The following SLC24A1 variants were observed in gnomAD, a reference collection of about 807,000 sequenced individuals.
The protein encoded by SLC24A1 is solute carrier family 24 member 1.
SLC24A1 carries 52 observed loss-of-function variants against 88.1 expected under a neutral mutation model. The observed-to-expected ratio is 0.59, with a 90% CI of 0.47 to 0.74. The LOEUF is 0.74. Ranked by LOEUF, SLC24A1 falls within the 30% of genes least tolerant of loss-of-function variation. The pLI, the probability that SLC24A1 is intolerant of heterozygous loss-of-function variation, is 0.00. For synonymous variants in SLC24A1, 455 were observed against 498.0 expected, an observed-to-expected ratio of 0.91 and a Z score of 1.15; for missense variants, 1,173 against 1,363.3, an observed-to-expected ratio of 0.86 and a Z score of 2.20.
downstream of SLC24A1, chr15:65,659,959 G>C (rs1456341047): frequency 9.1e-6 from 2 of 219,044 alleles, no homozygotes; most frequent in African/African-American, 4.6e-5. Flanking sequence ...AATGAAAGCT[G>C]TTTTTAAAAG....
At chr15:65,629,507 C>T (rs1340138990) in intron 2 of SLC24A1, among the ~76,000 whole-genome samples, 1 of 152,190 alleles carries the variant, frequency 6.6e-6, no homozygotes, top group East Asian at 1.9e-4. Flanking sequence ...TAAATGTTTG[C>T]ATAGTTATCA....
In SLC24A1 at chr15:65,655,325, T is replaced by C. The variant is rs1351468899; in HGVS notation, c.*1246T>C. ...AGATAGGATTATAAAGCAAGACTGATTTCTTCTGTGGTTTATGAATGGATC... is the reference window on the plus strand; with the variant it reads ...AGATAGGATTATAAAGCAAGACTGACTTCTTCTGTGGTTTATGAATGGATC... On this transcript the variant is annotated 3_prime_UTR_variant, in exon 10 of 10. Coordinates refer to ENST00000261892, the MANE Select transcript of SLC24A1 (RefSeq NM_004727.3). 2.0e-6 allele frequency: 2 copies of C among 985,214 alleles called. No individual in the cohort carries two copies. Among genetic ancestry groups the C allele is most frequent in the African/African-American group, 1.7e-5 (1 of 57,248 alleles). 61.0% of individuals were successfully genotyped at this position (985,214 alleles called of 1,614,324 possible). A position where few individuals can be genotyped will look rare whatever the true frequency, so the allele number is the denominator to read the frequency against.
At chr15:65,648,266 A>T (rs1216853986) in intron 6 of SLC24A1, among the ~76,000 whole-genome samples, 1 of 150,422 alleles carries the variant, frequency 6.6e-6, no homozygotes, top group Non-Finnish European at 1.5e-5. Flanking sequence ...CCTCAAAACA[A>T]AAAAAAAAGC....
rs1278247464 is a variant in SLC24A1 at position 65,625,431 on chromosome 15, C to T, written c.1351C>T (p.Arg451Trp). The T allele has an allele frequency of 4.3e-6, 7 of 1,614,052 alleles. No individual in the cohort carries two copies. The highest frequency in any genetic ancestry group is 1.7e-5 in the Admixed American group (1 of 60,030). The part of the protein sequence containing the change: ...PPDLFSVEER[R>W]QGWVVLHVFG... Reference sequence around the variant, plus strand: ...AGATCTGTTCAGTGTGGAGGAGCGGCGGCAGGGCTGGGTGGTCCTGCACGT... The same window carrying T: ...AGATCTGTTCAGTGTGGAGGAGCGGTGGCAGGGCTGGGTGGTCCTGCACGT... The change falls in exon 2 of 10, where the codon CGG becomes TGG. Residue 451 changes from arginine (R) to tryptophan (W), a missense_variant. Physicochemically the swap from Arg to Trp is moderately radical, Grantham distance 101. Coordinates refer to ENST00000261892, the MANE Select transcript of SLC24A1 (RefSeq NM_004727.3).
chr15:65,651,624 T>C, intron 7 of SLC24A1, 46 bp from the exon 8 acceptor site: 1 of 1,026,996 alleles, frequency 9.7e-7, no homozygotes, highest in Non-Finnish European at 1.5e-6. Context: ...CAAAGACCTT[T>C]TAACCTCTAC....
intron 2 of SLC24A1, among the ~76,000 whole-genome samples, chr15:65,615,119 A>G (rs2074094376): frequency 6.6e-6 from 1 of 152,192 alleles, no homozygotes; most frequent in Non-Finnish European, 1.5e-5. Context: ...AGGCTGAGGC[A>G]GGAGGATTGT....
At chr15:65,623,005 G>T (rs1324344928) in intron 1 of SLC24A1, among the ~76,000 whole-genome samples, 1 of 152,068 alleles carries the variant, frequency 6.6e-6, no homozygotes, top group Non-Finnish European at 1.5e-5. Context: ...GCCTCCCAAA[G>T]TGCAGGGATT....
downstream of SLC24A1, chr15:65,660,947 A>T (rs1233408911): frequency 6.6e-6 from 1 of 152,214 alleles, no homozygotes; most frequent in East Asian, 1.9e-4. Context: ...ACTTGTCTGC[A>T]TATTTCCCAA....
intron 4 of SLC24A1, 40 bp downstream of exon 4, chr15:65,639,743 C>A: frequency 7.9e-7 from 1 of 1,269,946 alleles, no homozygotes; most frequent in Non-Finnish European, 1.1e-6. Context: ...TTTGCCCCAT[C>A]CACTCCTTCC....
Position 65,645,611 on chromosome 15 carries a change from G to C in SLC24A1, c.2141-1G>C. 1 of 1,562,044 alleles carries C rather than the reference G, an allele frequency of 6.4e-7. No individual in the cohort carries two copies. The highest frequency in any genetic ancestry group is 8.7e-7 in the Non-Finnish European group (1 of 1,152,626). ...ATGTAACCCATGTTTATCCTTTAAA[G>C]AGGAGGAGCCAGCCAAGCTCCCTGC... On this transcript the variant is annotated splice_acceptor_variant, in intron 5 of 9. Coordinates refer to ENST00000261892, the MANE Select transcript of SLC24A1 (RefSeq NM_004727.3). LOFTEE classifies it high-confidence loss of function.
At chr15:65,657,379 T>C (rs4993807), downstream of SLC24A1, among the ~76,000 whole-genome samples, 34,587 of 151,662 alleles carry the variant, frequency 0.23, 4,520 homozygotes, top group African/African-American at 0.37. Flanking sequence ...CGGTGGCTCA[T>C]GCCTATAATC....
chr15:65,619,433 C>G (rs2074249903), upstream of SLC24A1, among the ~76,000 whole-genome samples: 1 of 152,022 alleles, frequency 6.6e-6, no homozygotes, highest in Admixed American at 6.5e-5. Context: ...GACATAGCCC[C>G]CAGCATGCTC....
At chr15:65,623,070 C>T (rs541557410) in intron 1 of SLC24A1, among the ~76,000 whole-genome samples, 3 of 152,128 alleles carry the variant, frequency 2.0e-5, no homozygotes, top group Admixed American at 6.5e-5. Context: ...TGTTTTTACT[C>T]GCTCAACATT....
chr15:65,623,948 C>A lies in SLC24A1; in HGVS notation c.-126-7C>A. 1 of 708,368 alleles carries A rather than the reference C, an allele frequency of 1.4e-6. No homozygotes were observed. The highest frequency in any genetic ancestry group is 2.4e-6 in the Non-Finnish European group (1 of 417,772). The allele number at this position is 708,368 out of a possible 1,614,324, so 43.9% of individuals were successfully genotyped here. A position where few individuals can be genotyped will look rare whatever the true frequency, so the allele number is the denominator to read the frequency against. ...TGGTAAATAATCTCTTTTTTTTACC[C>A]ACCTAGGGTTGTGGATACCCCCTGG... On this transcript the variant is annotated splice_region_variant and splice_polypyrimidine_tract_variant and intron_variant, in intron 1 of 9. Transcript: ENST00000261892.
In SLC24A1 at chr15:65,656,106, G is replaced by A. The variant is rs886051359; in HGVS notation, c.*2027G>A. The A allele has an allele frequency of 2.5e-5, 25 of 985,434 alleles. No homozygotes were observed. The East Asian group carries it at 2.2e-3, about 85-fold the overall frequency. The allele number at this position is 985,434 out of a possible 1,614,324, so 61.0% of individuals were successfully genotyped here. On this transcript the variant is annotated 3_prime_UTR_variant, in exon 10 of 10. Transcript: ENST00000261892. ...GGCACTAACCTGGTGTCTGCAGCCC[G>A]TTCCCGTTAGCCTCGGGGATGTCAC...
downstream of SLC24A1, chr15:65,656,316 T>C: frequency 1.1e-6 from 1 of 903,338 alleles, no homozygotes; most frequent in Non-Finnish European, 1.3e-6. Flanking sequence ...AGAAAGGAAG[T>C]TCTGATCACT....
chr15:65,645,712 C>T lies in SLC24A1; in HGVS notation c.2232+9C>T. 6.4e-7 allele frequency: 1 copy of T among 1,556,436 alleles called. No homozygotes were observed. Among genetic ancestry groups the T allele is most frequent in the Non-Finnish European group, 8.7e-7 (1 of 1,147,860 alleles). Reference sequence around the variant, plus strand: ...AGAATCCAGGCGGTCAGGTAGGCACCCAGCCTTGGCACAGACAAAATTGGA... The same window carrying T: ...AGAATCCAGGCGGTCAGGTAGGCACTCAGCCTTGGCACAGACAAAATTGGA... On this transcript the variant is annotated intron_variant, in intron 6 of 9. Transcript: ENST00000261892.
upstream of SLC24A1, among the ~76,000 whole-genome samples, chr15:65,621,331 C>T (rs554619865): frequency 1.4e-4 from 21 of 152,298 alleles, no homozygotes; most frequent in African/African-American, 4.8e-4. Flanking sequence ...GCGGGGGGCT[C>T]AGGGCACCAA....
chr15:65,641,471 G>C (rs1212875392), intron 4 of SLC24A1, among the ~76,000 whole-genome samples: 1 of 152,204 alleles, frequency 6.6e-6, no homozygotes, highest in African/African-American at 2.4e-5. Flanking sequence ...AGAACAGAGA[G>C]AGAGAGAAAG....
Sources: allele counts gnomAD v4.1 joint callset (sites outside exome capture counted in the v4.1 genomes callset), GRCh38; gene constraint gnomAD v4.1.1; transcripts MANE v1.5; gene names NCBI Gene and HGNC (gene_info 2026-07-23, HGNC 2026-07-21).